Variants in B4GALT4 observed in about 807,000 individuals in gnomAD.
B4GALT4 encodes beta-1,4-galactosyltransferase 4, also known as N-acetyllactosamine synthase.
A neutral mutation model predicts 37.3 loss-of-function variants in B4GALT4; 27 were observed. The ratio of observed to expected loss-of-function variants is 0.72; its 90% CI spans 0.53 to 1.00. B4GALT4 has a LOEUF of 1.00. Ranked by LOEUF, B4GALT4 falls within the 50% of genes least tolerant of loss-of-function variation. The probability of loss-of-function intolerance (pLI) is 0.00; values close to 1 mark genes in which losing one functional copy is unlikely to be tolerated. For missense variants in B4GALT4, 372 were observed against 413.1 expected, an observed-to-expected ratio of 0.90 and a Z score of 0.86; for synonymous variants, 148 against 154.1, an observed-to-expected ratio of 0.96 and a Z score of 0.29.
At chr3:119,229,771 G>C (rs4422293) in intron 3 of B4GALT4, 76 bp downstream of exon 3, 413,930 of 1,463,796 alleles carry the variant, frequency 0.28, 59,722 homozygotes, top group Middle Eastern at 0.36. Context: ...GAGATGTTTT[G>C]ATACAGGCAA....
At chr3:119,219,258 A>G (rs188260667) in intron 5 of B4GALT4, among the ~76,000 whole-genome samples, 13 of 152,062 alleles carry the variant, frequency 8.5e-5, no homozygotes, top group Admixed American at 5.9e-4. Context: ...TCCCGCACAC[A>G]CTCTGTATGC....
intron 2 of B4GALT4, chr3:119,235,250 A>G (rs937369311): frequency 6.6e-6 from 1 of 152,264 alleles, no homozygotes; most frequent in Non-Finnish European, 1.5e-5. Context: ...GAAAGGAAAC[A>G]TAAGTGCTAA....
chr3:119,218,776 G>C lies in B4GALT4; in HGVS notation c.675-4C>G, dbSNP rs770907612. ...AAAATATCCACTGTAACGTAACCTG[G>C]AGCAAAAGAGATGAGAGAAATGGTA... On this transcript the variant is annotated splice_polypyrimidine_tract_variant and splice_region_variant and intron_variant, in intron 5 of 7. Coordinates refer to ENST00000393765, the MANE Select transcript of B4GALT4 (RefSeq NM_003778.4). 10 of 1,613,764 alleles carry C rather than the reference G, an allele frequency of 6.2e-6. No homozygotes were observed. The highest frequency in any genetic ancestry group is 3.3e-5 in the Admixed American group (2 of 59,968).
chr3:119,217,292 C>T (rs1407117841), intron 6 of B4GALT4, among the ~76,000 whole-genome samples: 1 of 149,784 alleles, frequency 6.7e-6, no homozygotes, highest in African/African-American at 2.4e-5. Context: ...AGCACGTACC[C>T]TCTGTCCAGT....
In B4GALT4 at chr3:119,225,901, A is replaced by G. The variant is rs545101525; in HGVS notation, c.486+908T>C. On this transcript the variant is annotated intron_variant, in intron 4 of 7. Coordinates refer to ENST00000393765, the MANE Select transcript of B4GALT4 (RefSeq NM_003778.4). ...TAAAATACAGACATAGGTGTGCTATATAAGCACACTGATTTTCAAGAGCCT... is the reference window on the plus strand; with the variant it reads ...TAAAATACAGACATAGGTGTGCTATGTAAGCACACTGATTTTCAAGAGCCT... Among the ~76,000 whole-genome samples, 737 of 127,872 alleles carry G rather than the reference A, an allele frequency of 5.8e-3. 5 individuals are homozygous for G. Among genetic ancestry groups the G allele is most frequent in the African/African-American group, 0.022 (709 of 32,388 alleles). 83.9% of individuals were successfully genotyped at this position (127,872 alleles called of 152,430 possible).
chr3:119,218,793 G>T, intron 5 of B4GALT4, 21 bp from the exon 6 acceptor site: 1 of 1,613,580 alleles, frequency 6.2e-7, no homozygotes, highest in Non-Finnish European at 8.5e-7. Context: ...AGAGATGAGA[G>T]AAATGGTAAG....
At position 119,212,094 on chromosome 3, in the gene B4GALT4, G is replaced by A. The variant is rs2078176323; in HGVS notation, c.*455C>T. ...CACCTGACACCACCACTTCACAGATGATTGTACAGGATAAATGAATAACAG... is the reference window on the plus strand; with the variant it reads ...CACCTGACACCACCACTTCACAGATAATTGTACAGGATAAATGAATAACAG... On this transcript the variant is annotated 3_prime_UTR_variant, in exon 8 of 8. Coordinates refer to ENST00000393765, the MANE Select transcript of B4GALT4 (RefSeq NM_003778.4). The A allele has an allele frequency of 2.9e-6, 2 of 701,580 alleles. No individual in the cohort carries two copies. Among genetic ancestry groups the A allele is most frequent in the Non-Finnish European group, 2.6e-6 (1 of 384,334 alleles). 43.5% of individuals were successfully genotyped at this position (701,580 alleles called of 1,614,324 possible). A position where few individuals can be genotyped will look rare whatever the true frequency, so the allele number is the denominator to read the frequency against.
At chr3:119,215,536 C>T (rs1044356402) in intron 7 of B4GALT4, 1 of 152,212 alleles carries the variant, frequency 6.6e-6, no homozygotes, top group African/African-American at 2.4e-5. Flanking sequence ...CCTTAATAAA[C>T]TCCCCTTCAT....
intron 1 of B4GALT4, among the ~76,000 whole-genome samples, chr3:119,239,489 A>G (rs1352132034): frequency 6.6e-6 from 1 of 152,202 alleles, no homozygotes; most frequent in East Asian, 1.9e-4. Context: ...CTTCAAAGAG[A>G]AGGTTAGTTC....
chr3:119,214,597 C>T (rs1404405645), intron 7 of B4GALT4: 1 of 152,200 alleles, frequency 6.6e-6, no homozygotes, highest in Non-Finnish European at 1.5e-5. Context: ...ACAAGAACTA[C>T]ATCCTGAAGG....
In B4GALT4 at chr3:119,212,170, T is replaced by C; in HGVS notation, c.*379A>G. 2 of 703,080 alleles carry C rather than the reference T, an allele frequency of 2.8e-6. No individual in the cohort carries two copies. Among genetic ancestry groups the C allele is most frequent in the Non-Finnish European group, 5.2e-6 (2 of 385,014 alleles). 43.6% of individuals were successfully genotyped at this position (703,080 alleles called of 1,614,324 possible). A position where few individuals can be genotyped will look rare whatever the true frequency, so the allele number is the denominator to read the frequency against. On this transcript the variant is annotated 3_prime_UTR_variant, in exon 8 of 8. Transcript: ENST00000393765. ...TTGGACGAGAACAACTCTGGTTCTC[T>C]CAGACATTCAGCAGTCTTATTTCCT...
chr3:119,233,950 C>T (rs2078903148), intron 2 of B4GALT4, among the ~76,000 whole-genome samples: 1 of 152,180 alleles, frequency 6.6e-6, no homozygotes, highest in Non-Finnish European at 1.5e-5. Flanking sequence ...GTCTGTCCAT[C>T]TATGTTTCAA....
At chr3:119,229,798 A>G in intron 3 of B4GALT4, 49 bp downstream of exon 3, 1 of 1,584,818 alleles carries the variant, frequency 6.3e-7, no homozygotes, top group Non-Finnish European at 8.6e-7. Flanking sequence ...ATTATACTTA[A>G]ATAAAAAGTT....
At chr3:119,231,575 CTG>C (rs2078817156) in intron 2 of B4GALT4, among the ~76,000 whole-genome samples, 1 of 151,848 alleles carries the variant, frequency 6.6e-6, no homozygotes, top group Admixed American at 6.6e-5. Flanking sequence ...AGCCCTATAT[CTG>C]TGCTATGATT....
chr3:119,236,944 T>G lies in B4GALT4; in HGVS notation c.-237A>C, dbSNP rs986928306. 6.6e-6 allele frequency: 1 copy of G among 152,164 alleles called. No individual in the cohort carries two copies. The highest frequency in any genetic ancestry group is 2.4e-5 in the African/African-American group (1 of 41,424). The allele number at this position is 152,164 out of a possible 1,614,324, so 9.4% of individuals were successfully genotyped here. A position where few individuals can be genotyped will look rare whatever the true frequency, so the allele number is the denominator to read the frequency against. On this transcript the variant is annotated 5_prime_UTR_variant, in exon 2 of 8. Transcript: ENST00000393765. ...TCTCCTTGGCTTGGGGAGGAAGTGTTGCGTGGCCTGCCTCTTCCTTCATGA... is the reference window on the plus strand; with the variant it reads ...TCTCCTTGGCTTGGGGAGGAAGTGTGGCGTGGCCTGCCTCTTCCTTCATGA...
intron 2 of B4GALT4, among the ~76,000 whole-genome samples, chr3:119,231,277 C>T (rs2078805499): frequency 6.6e-6 from 1 of 152,112 alleles, no homozygotes; most frequent in Non-Finnish European, 1.5e-5. Context: ...CCACCCTGGA[C>T]CACAGAAAAT....
At chr3:119,240,520 G>A (rs1487250873) in intron 1 of B4GALT4, 1 of 152,228 alleles carries the variant, frequency 6.6e-6, no homozygotes, top group Admixed American at 6.5e-5. Context: ...GGGCGACCCC[G>A]GAATCGTGAC....
chr3:119,238,263 T>TA (rs35361911), intron 1 of B4GALT4, among the ~76,000 whole-genome samples: 47,447 of 108,750 alleles, frequency 0.44, 10,397 homozygotes, highest in Non-Finnish European at 0.5. Context: ...ACCCTGTCTC[T>TA]AAAAAAAAAA....
chr3:119,214,134 G>A (rs2078231004), intron 7 of B4GALT4: 1 of 152,194 alleles, frequency 6.6e-6, no homozygotes, highest in African/African-American at 2.4e-5. Flanking sequence ...GGCTGAGCTT[G>A]GAGGATTGCT....
Sources: allele counts gnomAD v4.1 joint callset (sites outside exome capture counted in the v4.1 genomes callset), GRCh38; gene constraint gnomAD v4.1.1; transcripts MANE v1.5; gene names NCBI Gene and HGNC (gene_info 2026-07-23, HGNC 2026-07-21).